The following PCDHGB5 variants were observed in gnomAD, a reference collection of about 807,000 sequenced individuals.
PCDHGB5 encodes the protein protocadherin gamma subfamily B, 5, also known as protocadherin gamma-B5.
PCDHGB5 carries 48 observed loss-of-function variants against 62.9 expected under a neutral mutation model. The observed-to-expected ratio is 0.76, with a 90% CI of 0.61 to 0.97. PCDHGB5 has a LOEUF of 0.97. PCDHGB5 is among the 50% of genes least tolerant of loss of function. PCDHGB5 has a pLI of 0.00. For missense variants in PCDHGB5, 1,118 were observed against 1,198.6 expected (o/e 0.93, Z 0.99); for synonymous variants, 474 against 511.2 (o/e 0.93, Z 0.98).
chr5:141,489,530 G>A lies in PCDHGB5; in HGVS notation c.2398-5277G>A. 6.2e-7 allele frequency: 1 copy of A among 1,614,092 alleles called. No homozygotes were observed. Among genetic ancestry groups the A allele is most frequent in the Non-Finnish European group, 8.5e-7 (1 of 1,180,022 alleles). On this transcript the variant is annotated intron_variant, in intron 1 of 3. Transcript: ENST00000617380. This position sits in a 1 kb window ranked among gnomAD's most constrained non-coding sequence, Gnocchi z 4.5. ...AAGATTGACCGAGAAAGCCTATGTGGAGCCAGCACCAGCTGCCTGCTGCCA... is the reference window on the plus strand; with the variant it reads ...AAGATTGACCGAGAAAGCCTATGTGAAGCCAGCACCAGCTGCCTGCTGCCA...
chr5:141,418,284 T>A (rs766608852), intron 1 of PCDHGB5: 19 of 1,613,826 alleles, frequency 1.2e-5, no homozygotes, highest in Non-Finnish European at 1.4e-5. Flanking sequence ...AACTTAGAAA[T>A]CAGTGAATCC....
intron 1 of PCDHGB5, among the ~76,000 whole-genome samples, chr5:141,462,331 T>C (rs909948238): frequency 6.6e-6 from 1 of 152,244 alleles, no homozygotes; most frequent in African/African-American, 2.4e-5. Context: ...TCTAATTTAA[T>C]TGTATTGTGA....
chr5:141,497,740 C>T (rs954595046), intron 2 of PCDHGB5, among the ~76,000 whole-genome samples: 1 of 152,054 alleles, frequency 6.6e-6, no homozygotes, highest in South Asian at 2.1e-4. Context: ...GGTTTCGCCA[C>T]GTTGGCCAGG....
At chr5:141,409,786 C>A in intron 1 of PCDHGB5, 11 of 1,612,124 alleles carry the variant, frequency 6.8e-6, no homozygotes, top group Non-Finnish European at 9.3e-6. Flanking sequence ...TGCGCGCCTT[C>A]GCGCTCACGC....
chr5:141,398,054 A>C lies in PCDHGB5; in HGVS notation c.-74A>C. On this transcript the variant is annotated 5_prime_UTR_variant, in exon 1 of 4. Transcript: ENST00000617380. ...GAACTAAAGCCCGTTCGGAGATCCA[A>C]AAATCTACAATACAGAGGTTATTTG... 2 of 1,519,030 alleles carry C rather than the reference A, an allele frequency of 1.3e-6. No individual in the cohort carries two copies. The highest frequency in any genetic ancestry group is 1.8e-6 in the Non-Finnish European group (2 of 1,133,228). 94.1% of individuals were successfully genotyped at this position (1,519,030 alleles called of 1,614,324 possible). A position where few individuals can be genotyped will look rare whatever the true frequency, so the allele number is the denominator to read the frequency against.
At chr5:141,404,176 A>C (rs763166170) in intron 1 of PCDHGB5, 2 of 1,613,206 alleles carry the variant, frequency 1.2e-6, no homozygotes, top group African/African-American at 2.7e-5. Context: ...TGACGGCCCA[A>C]ATTCTTGACC....
intron 1 of PCDHGB5, among the ~76,000 whole-genome samples, chr5:141,433,534 C>T (rs2097618995): frequency 6.6e-6 from 1 of 152,088 alleles, no homozygotes; most frequent in Admixed American, 6.5e-5. Context: ...GTGCCCCGCC[C>T]TTATCAGATA....
intron 1 of PCDHGB5, chr5:141,428,481 C>T (rs2097141995): frequency 3.0e-6 from 1 of 331,008 alleles, no homozygotes; most frequent in Non-Finnish European, 5.8e-6. Flanking sequence ...TGCTTTATTC[C>T]TGCAATCTGT....
chr5:141,459,993 G>T (rs1320315247), intron 1 of PCDHGB5, among the ~76,000 whole-genome samples: 1 of 152,164 alleles, frequency 6.6e-6, no homozygotes, highest in African/African-American at 2.4e-5. Context: ...CAGGAGAATC[G>T]CTTGAACCCA....
In PCDHGB5 at chr5:141,403,718, C is replaced by T. The variant is rs77227638; in HGVS notation, c.2397+3194C>T. 9.8e-3 allele frequency: 15,884 copies of T among 1,613,838 alleles called. 137 individuals carry two copies. The highest frequency in any genetic ancestry group is 0.011 in the Non-Finnish European group (12,686 of 1,179,868). ...CCGAGTTAAAGTCCTTGAGAACGTG[C>T]CCCCAGGCACCTGGCTGCTTACTGC... On this transcript the variant is annotated intron_variant, in intron 1 of 3. Coordinates refer to ENST00000617380, the MANE Select transcript of PCDHGB5 (RefSeq NM_018925.3).
At chr5:141,404,806 G>A (rs774487660) in intron 1 of PCDHGB5, 29 of 1,613,874 alleles carry the variant, frequency 1.8e-5, no homozygotes, top group South Asian at 1.3e-4. Context: ...GGCTCTTCTC[G>A]GTGGGGCTGC....
rs202006594 is a variant in PCDHGB5, at chr5:141,477,618, C to A, written c.2398-17189C>A. 15 of 1,614,176 alleles carry A rather than the reference C, an allele frequency of 9.3e-6. No homozygotes were observed. The African/African-American group carries it at 1.3e-4, about 14-fold the overall frequency. ...TCTTTCTTTCTCTTGGAGCAAGGAGCTGAAACCGGGCTAGTGGGTCGCTAT... is the reference window on the plus strand; with the variant it reads ...TCTTTCTTTCTCTTGGAGCAAGGAGATGAAACCGGGCTAGTGGGTCGCTAT... On this transcript the variant is annotated intron_variant, in intron 1 of 3. Coordinates refer to ENST00000617380, the MANE Select transcript of PCDHGB5 (RefSeq NM_018925.3). The surrounding 1 kb of genome is among the most constrained non-coding windows in gnomAD (Gnocchi z 4.9).
In PCDHGB5 at chr5:141,511,281, G is replaced by A; in HGVS notation, c.*108G>A. The A allele has an allele frequency of 2.0e-6, 3 of 1,531,280 alleles. No homozygotes were observed. Among genetic ancestry groups the A allele is most frequent in the Non-Finnish European group, 2.6e-6 (3 of 1,137,132 alleles). 94.9% of individuals were successfully genotyped at this position (1,531,280 alleles called of 1,614,324 possible). ...TTCAGGGCTAACCCCCAGAATACTG[G>A]TAGGGGCCAAGGCCATGCTCCCCTT... On this transcript the variant is annotated 3_prime_UTR_variant, in exon 4 of 4. Transcript: ENST00000617380.
At chr5:141,414,957 G>A in intron 1 of PCDHGB5, 7 of 1,614,018 alleles carry the variant, frequency 4.3e-6, no homozygotes, top group Non-Finnish European at 3.4e-6. Flanking sequence ...TGGTGACCAA[G>A]GTGGTGGCGG....
chr5:141,438,308 C>G (rs2097949954), intron 1 of PCDHGB5, among the ~76,000 whole-genome samples: 1 of 151,766 alleles, frequency 6.6e-6, no homozygotes, highest in Non-Finnish European at 1.5e-5. Context: ...GAAGTTGGTA[C>G]CACCATAATT....
At position 141,423,756 on chromosome 5, in the gene PCDHGB5, G is replaced by GGA. The variant is rs1554116833; in HGVS notation, c.2397+23233_2397+23234insAG. 3 of 448,454 alleles carry GGA rather than the reference G, an allele frequency of 6.7e-6. No individual in the cohort carries two copies. In the African/African-American group the frequency reaches 8.4e-5, roughly 13 times the overall value. The allele number at this position is 448,454 out of a possible 1,614,324, so 27.8% of individuals were successfully genotyped here. A position where few individuals can be genotyped will look rare whatever the true frequency, so the allele number is the denominator to read the frequency against. ...GCCTGTTATGAAAACTGTTTGGGGG[G>GGA]GGGGTGGGGCGGCATATATTTAGTT... On this transcript the variant is annotated intron_variant, in intron 1 of 3. Coordinates refer to ENST00000617380, the MANE Select transcript of PCDHGB5 (RefSeq NM_018925.3).
At chr5:141,428,606 A>G (rs1270096118) in intron 1 of PCDHGB5, 4 of 216,044 alleles carry the variant, frequency 1.9e-5, no homozygotes, top group Admixed American at 1.6e-4. Context: ...TTCACTGAAG[A>G]GAATAACAAG....
chr5:141,507,344 AT>A (rs1345461058), intron 3 of PCDHGB5: 5 of 152,206 alleles, frequency 3.3e-5, no homozygotes, highest in Non-Finnish European at 5.9e-5. Context: ...TTTACCTGAA[AT>A]TCAAATTTAA....
Position 141,484,647 on chromosome 5 carries a change from G to A in PCDHGB5, c.2398-10160G>A, listed in dbSNP as rs556711906. Among the ~76,000 whole-genome samples, 104 of 152,066 alleles carry A rather than the reference G, an allele frequency of 6.8e-4. 3 individuals carry two copies. Among genetic ancestry groups the A allele is most frequent in the East Asian group, 1.2e-3 (6 of 5,166 alleles). ...TGAACAAAGTGACCACTCTCCAATG[G>A]CTACTCTCCCTCTCAGTGGGCCGCA... On this transcript the variant is annotated intron_variant, in intron 1 of 3. Transcript: ENST00000617380.
Sources: gnomAD v4.1 joint callset for allele counts (sites outside exome capture counted in the v4.1 genomes callset) on GRCh38, gnomAD v4.1.1 for gene constraint, Gnocchi (gnomAD v3.1) non-coding constraint, MANE v1.5 for transcripts, NCBI Gene and HGNC (gene_info 2026-07-23, HGNC 2026-07-21) for gene names.